The following ERBB4 variants were observed in gnomAD, a reference collection of about 807,000 sequenced individuals.
The protein encoded by ERBB4 is erb-b2 receptor tyrosine kinase 4.
In ERBB4, 42 loss-of-function variants were observed where a neutral mutation model predicts 158.0. The ratio of observed to expected loss-of-function variants is 0.27; its 90% CI spans 0.21 to 0.34. The LOEUF (loss-of-function observed/expected upper bound fraction) is 0.34. Ranked by LOEUF, ERBB4 falls within the 10% of genes least tolerant of loss-of-function variation. The pLI is 1.00. For missense variants in ERBB4, 1,333 were observed against 1,624.1 expected, an observed-to-expected ratio of 0.82 and a Z score of 3.08; for synonymous variants, 583 against 558.7, an observed-to-expected ratio of 1.04 and a Z score of -0.61.
intron 5 of ERBB4, among the ~76,000 whole-genome samples, chr2:211,737,551 T>C (rs2074642774): frequency 6.6e-6 from 1 of 152,202 alleles, no homozygotes; most frequent in Admixed American, 6.5e-5. Context: ...TAATTTTGAC[T>C]TTACATAATA....
chr2:212,476,343 T>C (rs553460406), intron 1 of ERBB4, among the ~76,000 whole-genome samples: 2 of 152,256 alleles, frequency 1.3e-5, no homozygotes, highest in East Asian at 1.9e-4. Context: ...ACCTAGCAGA[T>C]AGTAGGTGTC....
chr2:212,144,337 A>G (rs1293826931), intron 1 of ERBB4, among the ~76,000 whole-genome samples: 1 of 152,208 alleles, frequency 6.6e-6, no homozygotes, highest in Non-Finnish European at 1.5e-5. Flanking sequence ...ATAAATTTAG[A>G]GATCCGCTAC....
At chr2:212,342,025 A>C (rs528679783) in intron 1 of ERBB4, among the ~76,000 whole-genome samples, 22 of 152,288 alleles carry the variant, frequency 1.4e-4, no homozygotes, top group African/African-American at 4.8e-4. Flanking sequence ...TTGGGAGGTC[A>C]AGGCAGGAGG....
intron 1 of ERBB4, among the ~76,000 whole-genome samples, chr2:212,257,326 T>C (rs1402763): frequency 0.98 from 149,273 of 152,174 alleles, 73,290 homozygotes; most frequent in Middle Eastern, 1. Context: ...TAATGTTTTC[T>C]ATGTTTTGTA....
Position 212,230,730 on chromosome 2 carries a change from C to A in ERBB4, c.83-105827G>T, listed in dbSNP as rs183023306. 8.5e-5 allele frequency among the ~76,000 whole-genome samples: 13 copies of A among 152,192 alleles called. No homozygotes were observed. In the East Asian group the frequency reaches 2.5e-3, roughly 29 times the overall value. ...TTCAGGTTATCTTTTATCTGTCTCT[C>A]CATCTGCCCATTCATCTATCTACTG... is the stretch of plus-strand genomic sequence containing the variant. On this transcript the variant is annotated intron_variant, in intron 1 of 27. Coordinates refer to ENST00000342788, the MANE Select transcript of ERBB4 (RefSeq NM_005235.3).
At chr2:211,773,631 TATATATA>T (rs2075786267) in intron 4 of ERBB4, among the ~76,000 whole-genome samples, 1 of 91,264 alleles carries the variant, frequency 1.1e-5, no homozygotes, top group African/African-American at 7.0e-5. Flanking sequence ...TATATATATA[TATATATA>T]TATATATATA....
chr2:212,192,079 TATTA>T (rs1307489974), intron 1 of ERBB4, among the ~76,000 whole-genome samples: 10 of 124,628 alleles, frequency 8.0e-5, no homozygotes, highest in Admixed American at 6.2e-4. Context: ...ATGTTATATA[TATTA>T]TATATATTAT....
chr2:212,501,866 A>G (rs1425095204), intron 1 of ERBB4, among the ~76,000 whole-genome samples: 1 of 152,142 alleles, frequency 6.6e-6, no homozygotes, highest in African/African-American at 2.4e-5. Context: ...GAAATATAAA[A>G]CTACAAATGA....
At chr2:211,407,074 T>C (rs933418440) in intron 25 of ERBB4, among the ~76,000 whole-genome samples, 3 of 152,076 alleles carry the variant, frequency 2.0e-5, no homozygotes, top group Admixed American at 2.0e-4. Flanking sequence ...AGCAAGACTC[T>C]GTCTCAAAAA....
chr2:212,280,580 T>C (rs1472854735), intron 1 of ERBB4, among the ~76,000 whole-genome samples: 1 of 151,720 alleles, frequency 6.6e-6, no homozygotes, highest in Non-Finnish European at 1.5e-5. Context: ...CTCCTGAACA[T>C]GCCTCAAATG....
chr2:211,757,213 T>C (rs747040370), intron 4 of ERBB4, among the ~76,000 whole-genome samples: 16 of 152,144 alleles, frequency 1.1e-4, no homozygotes, highest in Non-Finnish European at 2.1e-4. Flanking sequence ...TTTATTCCAG[T>C]CTCAATTCAA....
At chr2:212,485,474 T>A (rs1295833174) in intron 1 of ERBB4, among the ~76,000 whole-genome samples, 1 of 152,180 alleles carries the variant, frequency 6.6e-6, no homozygotes, top group Non-Finnish European at 1.5e-5. Context: ...AGCTACGGAA[T>A]GAATTGTCAA....
At chr2:211,774,616 G>A (rs2075826706) in intron 4 of ERBB4, among the ~76,000 whole-genome samples, 1 of 152,136 alleles carries the variant, frequency 6.6e-6, no homozygotes, top group African/African-American at 2.4e-5. Flanking sequence ...TTAGGATATC[G>A]CGGCTGTTGA....
In ERBB4 at chr2:211,798,161, G is replaced by T. The variant is rs191420585; in HGVS notation, c.422-10002C>A. Among the ~76,000 whole-genome samples, 6 of 151,696 alleles carry T rather than the reference G, an allele frequency of 4.0e-5. No homozygotes were observed. In the East Asian group the frequency reaches 1.2e-3, roughly 29 times the overall value. On this transcript the variant is annotated intron_variant, in intron 3 of 27. Transcript: ENST00000342788. ...GCTTCATTCCAGTCAATACTGCATA[G>T]AAGTCAGCATAGAAAGTCAGCCACT...
At chr2:211,417,372 G>A (rs1011878630) in intron 25 of ERBB4, among the ~76,000 whole-genome samples, 2 of 152,138 alleles carry the variant, frequency 1.3e-5, no homozygotes, top group Non-Finnish European at 2.9e-5. Context: ...TACTCTGGAG[G>A]CAGAGATGGG....
chr2:211,417,418 G>A (rs2063418288), intron 25 of ERBB4, among the ~76,000 whole-genome samples: 1 of 152,232 alleles, frequency 6.6e-6, no homozygotes, highest in South Asian at 2.1e-4. Context: ...AGGTTGCACT[G>A]AGCCAAGATC....
At chr2:211,665,873 A>T (rs1182220533) in intron 14 of ERBB4, among the ~76,000 whole-genome samples, 1 of 152,196 alleles carries the variant, frequency 6.6e-6, no homozygotes, top group Non-Finnish European at 1.5e-5. Flanking sequence ...ATTTCTGGCA[A>T]TATTATAGTG....
chr2:211,727,374 C>G (rs1251158640), intron 5 of ERBB4, among the ~76,000 whole-genome samples: 2 of 151,848 alleles, frequency 1.3e-5, no homozygotes, highest in Non-Finnish European at 2.9e-5. Context: ...CCCAACTAAC[C>G]TATGGGTTTA....
chr2:212,398,456 C>A (rs1019834781), intron 1 of ERBB4, among the ~76,000 whole-genome samples: 1 of 152,040 alleles, frequency 6.6e-6, no homozygotes, highest in Non-Finnish European at 1.5e-5. Context: ...TATACAAGAT[C>A]AATAGTTCAT....
Sources: gnomAD v4.1 joint callset for allele counts (sites outside exome capture counted in the v4.1 genomes callset) on GRCh38, gnomAD v4.1.1 for gene constraint, MANE v1.5 for transcripts, NCBI Gene and HGNC (gene_info 2026-07-23, HGNC 2026-07-21) for gene names.